The following KDM4C variants were observed in gnomAD, a reference collection of about 807,000 sequenced individuals.
KDM4C encodes the protein lysine-specific demethylase 4C.
KDM4C carries 81 observed loss-of-function variants against 129.3 expected under a neutral mutation model. The observed-to-expected ratio is 0.63, with a 90% confidence interval of 0.52 to 0.75. The LOEUF (loss-of-function observed/expected upper bound fraction) is 0.75, where lower values mean the gene tolerates loss of function less well. KDM4C is among the 30% of genes least tolerant of loss of function. The probability of loss-of-function intolerance (pLI) is 0.00; values close to 1 mark genes in which losing one functional copy is unlikely to be tolerated. For synonymous variants in KDM4C, 573 were observed against 456.1 expected, an observed-to-expected ratio of 1.26 and a Z score of -3.26; for missense variants, 1,457 against 1,304.0, an observed-to-expected ratio of 1.12 and a Z score of -1.81.
At chr9:6,911,268 G>A (rs1014751503) in intron 8 of KDM4C, among the ~76,000 whole-genome samples, 1 of 152,182 alleles carries the variant, frequency 6.6e-6, no homozygotes, top group Admixed American at 6.5e-5. Flanking sequence ...AAAAAGACAA[G>A]AAGGTAGAAA....
chr9:6,881,757 A>G (rs1844490794), intron 6 of KDM4C, among the ~76,000 whole-genome samples: 2 of 152,244 alleles, frequency 1.3e-5, no homozygotes, highest in South Asian at 4.1e-4. Context: ...ACTCTTTTGC[A>G]GCAATATTTT....
intron 8 of KDM4C, among the ~76,000 whole-genome samples, chr9:6,949,779 G>C (rs533148677): frequency 2.0e-5 from 3 of 152,300 alleles, no homozygotes; most frequent in Admixed American, 6.5e-5. Flanking sequence ...TGCAGTGAGC[G>C]GAGATGGCAG....
At chr9:6,968,243 A>G (rs1011502375) in intron 8 of KDM4C, among the ~76,000 whole-genome samples, 2 of 152,230 alleles carry the variant, frequency 1.3e-5, no homozygotes, top group Non-Finnish European at 2.9e-5. Flanking sequence ...TGGGAGGCTG[A>G]AGTGGGAGAT....
intron 8 of KDM4C, among the ~76,000 whole-genome samples, chr9:6,895,544 G>A (rs778646984): frequency 1.2e-4 from 18 of 152,090 alleles, no homozygotes; most frequent in Non-Finnish European, 1.9e-4. Flanking sequence ...TCTTTGTTGG[G>A]GGTGCAGGAG....
intron 15 of KDM4C, among the ~76,000 whole-genome samples, chr9:7,046,526 C>T (rs1464639595): frequency 1.3e-5 from 2 of 151,950 alleles, no homozygotes; most frequent in African/African-American, 2.4e-5. Flanking sequence ...AGAATTCTTG[C>T]ATATACTAGG....
chr9:7,095,907 A>G (rs1836376558), intron 17 of KDM4C, among the ~76,000 whole-genome samples: 1 of 152,262 alleles, frequency 6.6e-6, no homozygotes, highest in Non-Finnish European at 1.5e-5. Flanking sequence ...AATTTCAAAT[A>G]ATGGAATTTC....
At chr9:6,826,396 A>G (rs559096039) in intron 4 of KDM4C, among the ~76,000 whole-genome samples, 68 of 152,234 alleles carry the variant, frequency 4.5e-4, no homozygotes, top group South Asian at 3.1e-3. Flanking sequence ...TTCAGAGAAA[A>G]CAGCTGTCAA....
At chr9:7,161,626 A>T (rs1176196597) in intron 19 of KDM4C, among the ~76,000 whole-genome samples, 4 of 152,188 alleles carry the variant, frequency 2.6e-5, no homozygotes, top group African/African-American at 9.7e-5. Flanking sequence ...GTTTAGTGTG[A>T]CAGGCCTCAC....
intron 1 of KDM4C, among the ~76,000 whole-genome samples, chr9:6,769,724 GA>G (rs949277369): frequency 6.6e-6 from 1 of 150,790 alleles, no homozygotes; most frequent in African/African-American, 2.4e-5. Context: ...TGTGTAGATG[GA>G]CAATGCCTCC....
At position 6,833,903 on chromosome 9, in the gene KDM4C, ATGTT is replaced by A. The variant is rs773049576; in HGVS notation, c.436-15598_436-15595del. Reference sequence around the variant, plus strand: ...TTGACATCTGTCAGAGCCGTGAAGAATGTTTGTTTAGGAGTCACTGCTTAAGAAA... The same window carrying A: ...TTGACATCTGTCAGAGCCGTGAAGAATGTTTAGGAGTCACTGCTTAAGAAA... On this transcript the variant is annotated intron_variant, in intron 4 of 21. Coordinates refer to ENST00000381309, the MANE Select transcript of KDM4C (RefSeq NM_015061.6). 3.3e-5 allele frequency among the ~76,000 whole-genome samples: 5 copies of A among 151,938 alleles called. No homozygotes were observed. The South Asian group carries it at 6.2e-4, about 19-fold the overall frequency.
At chr9:6,985,828 C>T (rs947544525) in intron 10 of KDM4C, among the ~76,000 whole-genome samples, 1 of 152,100 alleles carries the variant, frequency 6.6e-6, no homozygotes, top group East Asian at 1.9e-4. Context: ...GTATCTGGGA[C>T]TAAAGGTGTG....
At position 7,112,036 on chromosome 9, in the gene KDM4C, A is replaced by G. The variant is rs142732649; in HGVS notation, c.2610+8166A>G. ...TGGTGGGGTGCAAACGTGTTACCCA[A>G]TAGCTGTCTCTCACATGCGCCCACA... On this transcript the variant is annotated intron_variant, in intron 18 of 21. Coordinates refer to ENST00000381309, the MANE Select transcript of KDM4C (RefSeq NM_015061.6). Among the ~76,000 whole-genome samples, 118 of 152,170 alleles carry G rather than the reference A, an allele frequency of 7.8e-4. 1 individual carries two copies. Among genetic ancestry groups the G allele is most frequent in the Admixed American group, 1.3e-3 (20 of 15,282 alleles).
chr9:7,154,390 G>A (rs938364720), intron 19 of KDM4C, among the ~76,000 whole-genome samples: 4 of 152,226 alleles, frequency 2.6e-5, no homozygotes, highest in Admixed American at 2.0e-4. Context: ...CATGTGCCAC[G>A]TCTTCATCTG....
At chr9:6,921,833 C>G (rs1170104474) in intron 8 of KDM4C, among the ~76,000 whole-genome samples, 1 of 152,110 alleles carries the variant, frequency 6.6e-6, no homozygotes, top group Non-Finnish European at 1.5e-5. Context: ...ATGACCCTTG[C>G]CCACTCTGTA....
Position 7,128,635 on chromosome 9 carries a change from A to C in KDM4C, c.2781+399A>C, listed in dbSNP as rs79793189. Among the ~76,000 whole-genome samples, 793 of 152,328 alleles carry C rather than the reference A, an allele frequency of 5.2e-3. 9 individuals are homozygous for C. Among genetic ancestry groups the C allele is most frequent in the Non-Finnish European group, 7.1e-3 (482 of 68,020 alleles). The stretch of plus-strand genomic sequence containing the variant: ...CTTTCTTTTCTTTATGCTTAACTAG[A>C]GAATGTGGCTTTGATTAATCTGACT... On this transcript the variant is annotated intron_variant, in intron 19 of 21. Transcript: ENST00000381309.
intron 16 of KDM4C, among the ~76,000 whole-genome samples, chr9:7,047,226 G>T (rs1351101366): frequency 6.6e-6 from 1 of 152,038 alleles, no homozygotes; most frequent in African/African-American, 2.4e-5. Flanking sequence ...GAATCCTGGT[G>T]TTTAATATGA....
At chr9:7,153,360 C>T (rs1842885902) in intron 19 of KDM4C, among the ~76,000 whole-genome samples, 1 of 152,186 alleles carries the variant, frequency 6.6e-6, no homozygotes, top group Non-Finnish European at 1.5e-5. Context: ...CCTTGAGAGG[C>T]CATTGCTAAG....
At chr9:7,105,470 T>C (rs528059557) in intron 18 of KDM4C, 10 of 471,042 alleles carry the variant, frequency 2.1e-5, no homozygotes, top group South Asian at 1.6e-4. Context: ...CTGCTGCTGC[T>C]GGTGCTACAA....
intron 19 of KDM4C, among the ~76,000 whole-genome samples, chr9:7,146,566 A>C (rs540463702): frequency 1.3e-5 from 2 of 152,196 alleles, no homozygotes; most frequent in Non-Finnish European, 2.9e-5. Flanking sequence ...AGGAGTTCTT[A>C]TACTTAATTT....
Sources: allele counts gnomAD v4.1 joint callset (sites outside exome capture counted in the v4.1 genomes callset), GRCh38; gene constraint gnomAD v4.1.1; transcripts MANE v1.5; gene names NCBI Gene and HGNC (gene_info 2026-07-23, HGNC 2026-07-21).